The following OTOP1 variants were observed in gnomAD, a reference collection of about 807,000 sequenced individuals.
OTOP1 encodes the protein otopetrin 1.
A neutral mutation model predicts 52.9 loss-of-function variants in OTOP1; 59 were observed. That is an observed-to-expected ratio of 1.12 (90% CI 0.91 to 1.39). OTOP1 has a LOEUF of 1.39. Ranked by LOEUF, OTOP1 falls within the 40% of genes most tolerant of loss-of-function variation. The pLI is 0.00. For missense variants in OTOP1, 761 were observed against 800.9 expected, an observed-to-expected ratio of 0.95 and a Z score of 0.60; for synonymous variants, 317 against 337.7, an observed-to-expected ratio of 0.94 and a Z score of 0.67.
chr4:4,195,711 T>C (rs1303015226), intron 5 of OTOP1, among the ~76,000 whole-genome samples: 3 of 152,198 alleles, frequency 2.0e-5, no homozygotes, highest in Middle Eastern at 3.2e-3. Context: ...ACACTGCGAA[T>C]CAAATTGCCT....
Position 4,223,736 on chromosome 4 carries a change from C to A in OTOP1, c.403+2726G>T, listed in dbSNP as rs1717356492. 2.0e-5 allele frequency among the ~76,000 whole-genome samples: 3 copies of A among 151,816 alleles called. No homozygotes were observed. The South Asian group carries it at 6.2e-4, about 32-fold the overall frequency. ...CCAACATGGTGAAACACTGTCTCTACTAAAAAATACAAAAATTAGCTGGGT... is the reference window on the plus strand; with the variant it reads ...CCAACATGGTGAAACACTGTCTCTAATAAAAAATACAAAAATTAGCTGGGT... On this transcript the variant is annotated intron_variant, in intron 1 of 5. Transcript: ENST00000296358.
intron 3 of OTOP1, among the ~76,000 whole-genome samples, chr4:4,203,413 C>T (rs910294898): frequency 6.6e-6 from 1 of 152,170 alleles, no homozygotes; most frequent in African/African-American, 2.4e-5. Context: ...AGCCCATGGT[C>T]ATATATGGAG....
rs2916419 is a variant in OTOP1, at chr4:4,202,248, A to T, written c.730+200T>A. Among the ~76,000 whole-genome samples, 391 of 152,290 alleles carry T rather than the reference A, an allele frequency of 2.6e-3. 1 individual carries two copies. Among genetic ancestry groups the T allele is most frequent in the African/African-American group, 8.9e-3 (368 of 41,552 alleles). ...CCCTGAGTCATGGAAGAAACCTTTA[A>T]TTATGCTCAGTACACATCACTTATG... is the stretch of plus-strand genomic sequence containing the variant. On this transcript the variant is annotated intron_variant, in intron 4 of 5. Transcript: ENST00000296358.
intron 1 of OTOP1, among the ~76,000 whole-genome samples, chr4:4,219,437 C>T (rs1199564775): frequency 6.6e-6 from 1 of 151,956 alleles, no homozygotes; most frequent in Non-Finnish European, 1.5e-5. Context: ...CGCGGTGGCT[C>T]ACGCCTGTAA....
chr4:4,206,221 G>T, intron 2 of OTOP1, 91 bp from the exon 3 acceptor site: 3 of 1,103,810 alleles, frequency 2.7e-6, no homozygotes, highest in South Asian at 1.4e-5. Context: ...CAAAGAAAAT[G>T]TATGAGAAAA....
rs1455506692 is a variant in OTOP1 at position 4,219,073 on chromosome 4, G to T, written c.404-6069C>A. ...GTGGAAAAGGAAAAGGAGGAAATAG[G>T]AACGTAAAATGTATCATCATAAACA... is the stretch of plus-strand genomic sequence containing the variant. On this transcript the variant is annotated intron_variant, in intron 1 of 5. Transcript: ENST00000296358. Among the ~76,000 whole-genome samples the T allele has an allele frequency of 1.3e-5, 2 of 151,612 alleles. 1 individual carries two copies. The highest frequency in any genetic ancestry group is 4.2e-4 in the South Asian group (2 of 4,770).
At chr4:4,197,022 T>C in intron 5 of OTOP1, 144 bp downstream of exon 5, 1 of 907,408 alleles carries the variant, frequency 1.1e-6, no homozygotes, top group Non-Finnish European at 1.6e-6. Flanking sequence ...CTATGCTCAT[T>C]ACCTGGGTGA....
chr4:4,199,389 G>T (rs3097980), intron 4 of OTOP1, among the ~76,000 whole-genome samples: 89,605 of 151,010 alleles, frequency 0.59, 26,999 homozygotes, highest in South Asian at 0.65. Flanking sequence ...TTTATGGTTT[G>T]GGGTATTTTG....
rs1430671335 is a variant in OTOP1 at position 4,212,892 on chromosome 4, G to C, written c.516C>G (p.Thr172=). ...CCTGCAACAAAGTATGCACTGAATG[G>C]GTGACTGGGAAAACTCCTTCAGTGG... ...LSATEGVFPV[T]HSVHTLLQVY... Residue 172 remains threonine (T), a synonymous_variant, in exon 2 of 6, where the codon ACC becomes ACG. Coordinates refer to ENST00000296358, the MANE Select transcript of OTOP1 (RefSeq NM_177998.3). 1 of 1,613,972 alleles carries C rather than the reference G, an allele frequency of 6.2e-7. No individual in the cohort carries two copies. The highest frequency in any genetic ancestry group is 1.7e-4 in the Middle Eastern group (1 of 6,060).
At chr4:4,226,333 A>C in intron 1 of OTOP1, 129 bp downstream of exon 1, 2 of 922,198 alleles carry the variant, frequency 2.2e-6, no homozygotes, top group Non-Finnish European at 3.0e-6. Flanking sequence ...GCTAGGAAAG[A>C]TGCACAGAGA....
chr4:4,214,582 C>T (rs551509536), intron 1 of OTOP1, among the ~76,000 whole-genome samples: 2 of 152,138 alleles, frequency 1.3e-5, no homozygotes, highest in African/African-American at 4.8e-5. Flanking sequence ...TAGGTAAACA[C>T]AATGAGGTAT....
chr4:4,222,482 C>T (rs1717324654), intron 1 of OTOP1, among the ~76,000 whole-genome samples: 1 of 152,178 alleles, frequency 6.6e-6, no homozygotes, highest in South Asian at 2.1e-4. Context: ...ATGAGACCCT[C>T]CACACACAGT....
Position 4,202,449 on chromosome 4 carries a change from T to C in OTOP1, c.729A>G (p.Thr243=). The C allele has an allele frequency of 6.2e-7, 1 of 1,613,624 alleles. No homozygotes were observed. The highest frequency in any genetic ancestry group is 8.5e-7 in the Non-Finnish European group (1 of 1,179,664). The change falls in exon 4 of 6, where the codon ACA becomes ACG. Residue 243 remains threonine (T), a splice_region_variant and synonymous_variant. Transcript: ENST00000296358. ...CCACTCACCTCTCTCACCACTCACC[T>C]GTTGTTATGTTCCCAAAACCCAGAG... ...LITLGFGNIT[T]VLDDHTPQCN...
At position 4,197,489 on chromosome 4, in the gene OTOP1, G is replaced by A. The variant is rs765571674; in HGVS notation, c.1345C>T (p.Arg449Ter). Reference protein sequence around the residue: ...QNLFIFESIHREPEKLSEDIQ... With the variant: ...QNLFIFESIH ...TCCTCAGAGAGTTTTTCAGGCTCTC[G>A]GTGAATGGATTCAAAGATGAAGAGG... The change falls in exon 5 of 6, where the codon CGA becomes TGA. Residue 449 changes from arginine to a stop codon, truncating the protein, a stop_gained. Transcript: ENST00000296358. LOFTEE classifies it high-confidence loss of function. The A allele has an allele frequency of 1.5e-5, 25 of 1,613,930 alleles. No homozygotes were observed. Among genetic ancestry groups the A allele is most frequent in the East Asian group, 2.2e-5 (1 of 44,892 alleles).
chr4:4,190,926 C>G (rs1481295249), intron 5 of OTOP1, among the ~76,000 whole-genome samples: 1 of 152,116 alleles, frequency 6.6e-6, no homozygotes, highest in Admixed American at 6.5e-5. Flanking sequence ...AGCCCTGGGG[C>G]TCTCTCCCAG....
At position 4,202,467 on chromosome 4, in the gene OTOP1, A is replaced by G. The variant is rs369625735; in HGVS notation, c.711T>C (p.Gly237=). The G allele has an allele frequency of 1.2e-6, 2 of 1,611,966 alleles. No homozygotes were observed. Among genetic ancestry groups the G allele is most frequent in the African/African-American group, 1.3e-5 (1 of 74,194 alleles). ...ACTCACCTGTTGTTATGTTCCCAAA[A>G]CCCAGAGTGATGAGCCGTTCCTTGT... The part of the protein sequence containing the change: ...NEHKERLITL[G]FGNITTVLDD... Residue 237 remains glycine, a synonymous_variant, in exon 4 of 6, where the codon GGT becomes GGC. Transcript: ENST00000296358.
At chr4:4,219,461 G>C (rs1020348750) in intron 1 of OTOP1, among the ~76,000 whole-genome samples, 4 of 151,886 alleles carry the variant, frequency 2.6e-5, no homozygotes, top group Admixed American at 6.6e-5. Flanking sequence ...CAGCACTTTG[G>C]GAGGCCGAGG....
At chr4:4,191,798 G>T (rs746850038) in intron 5 of OTOP1, among the ~76,000 whole-genome samples, 1 of 152,152 alleles carries the variant, frequency 6.6e-6, no homozygotes, top group Non-Finnish European at 1.5e-5. Flanking sequence ...TGGTTTGTAA[G>T]CCCCATAAGA....
At chr4:4,208,625 G>A (rs1247442882) in intron 2 of OTOP1, among the ~76,000 whole-genome samples, 1 of 152,150 alleles carries the variant, frequency 6.6e-6, no homozygotes, top group African/African-American at 2.4e-5. Flanking sequence ...AGCCGGAGGA[G>A]GAGGAAATAG....
Sources: gnomAD v4.1 joint callset for allele counts (sites outside exome capture counted in the v4.1 genomes callset) on GRCh38, gnomAD v4.1.1 for gene constraint, MANE v1.5 for transcripts, NCBI Gene and HGNC (gene_info 2026-07-23, HGNC 2026-07-21) for gene names.